CEP85: variants seen among roughly 807,000 people sequenced by gnomAD.
CEP85 encodes the protein centrosomal protein of 85 kDa.
CEP85 carries 58 observed loss-of-function variants against 93.7 expected under a neutral mutation model. The ratio of observed to expected loss-of-function variants is 0.62; its 90% CI spans 0.50 to 0.77. CEP85 has a LOEUF of 0.77. CEP85 is among the 30% of genes least tolerant of loss of function. The pLI is 0.00. For missense variants in CEP85, 868 were observed against 922.0 expected (o/e 0.94, Z 0.76); for synonymous variants, 314 against 338.6 (o/e 0.93, Z 0.80).
At chr1:26,243,446 A>G (rs1051343765) in intron 2 of CEP85, among the ~76,000 whole-genome samples, 4 of 152,184 alleles carry the variant, frequency 2.6e-5, no homozygotes, top group African/African-American at 9.6e-5. Context: ...ACTGTAAGAA[A>G]GAGGAAAGAA....
In CEP85 at chr1:26,274,829, C is replaced by G. The variant is rs2090029328; in HGVS notation, c.1795-135C>G. 4 of 660,562 alleles carry G rather than the reference C, an allele frequency of 6.1e-6. No individual in the cohort carries two copies. In the South Asian group the frequency reaches 7.5e-5, roughly 12 times the overall value. 40.9% of individuals were successfully genotyped at this position (660,562 alleles called of 1,614,324 possible). A position where few individuals can be genotyped will look rare whatever the true frequency, so the allele number is the denominator to read the frequency against. ...TTAAATGGGAGGTCACAAATCAGGA[C>G]TGTTCTAAAATGATTTCTTATGAGG... On this transcript the variant is annotated intron_variant, in intron 11 of 13. Transcript: ENST00000451429.
At position 26,269,194 on chromosome 1, in the gene CEP85, T is replaced by C. The variant is rs569169729; in HGVS notation, c.1495-266T>C. 1,362 of 442,768 alleles carry C rather than the reference T, an allele frequency of 3.1e-3. 43 individuals are homozygous for C. In the South Asian group the frequency reaches 0.034, roughly 11 times the overall value. The allele number at this position is 442,768 out of a possible 1,614,324, so 27.4% of individuals were successfully genotyped here. A position where few individuals can be genotyped will look rare whatever the true frequency, so the allele number is the denominator to read the frequency against. On this transcript the variant is annotated intron_variant, in intron 8 of 13. Transcript: ENST00000451429. ...CCAATCAGAATTAGCTTAGACTGTG[T>C]GGTTCAACCCTAGCCAATAGGGGAA...
At chr1:26,247,612 T>C (rs776392546) in intron 3 of CEP85, among the ~76,000 whole-genome samples, 2 of 152,122 alleles carry the variant, frequency 1.3e-5, no homozygotes, top group African/African-American at 4.8e-5. Flanking sequence ...TATTACTGGT[T>C]CCTAGACATC....
chr1:26,241,888 A>G (rs1022318267), intron 2 of CEP85, among the ~76,000 whole-genome samples: 1 of 151,944 alleles, frequency 6.6e-6, no homozygotes, highest in African/African-American at 2.4e-5. Context: ...CAGCCTCCCA[A>G]GTAGCTGGGA....
intron 7 of CEP85, among the ~76,000 whole-genome samples, chr1:26,267,901 A>G (rs2089915817): frequency 6.6e-6 from 1 of 152,126 alleles, no homozygotes; most frequent in East Asian, 1.9e-4. Flanking sequence ...GATCTGGCCC[A>G]CTCCTGTCCA....
chr1:26,255,281 A>G lies in CEP85; in HGVS notation c.319A>G (p.Asn107Asp), dbSNP rs1256553432. 5.0e-6 allele frequency: 8 copies of G among 1,614,114 alleles called. No homozygotes were observed. The highest frequency in any genetic ancestry group is 6.8e-6 in the Non-Finnish European group (8 of 1,180,022). Residue 107 changes from asparagine (N) to aspartate (D), a missense_variant, in exon 4 of 14, where the codon AAT becomes GAT. By Grantham distance (23) the Asn-to-Asp change is conservative (BLOSUM62 1). Coordinates refer to ENST00000451429, the MANE Select transcript of CEP85 (RefSeq NM_001319944.2). ...STLGTSPAKP[N>D]STPVGPSSSK... ...TTTAGGGACCTCTCCTGCCAAGCCA[A>G]ATTCTACACCTGTTGGACCCTCTTC...
Position 26,255,195 on chromosome 1 carries a change from C to G in CEP85, c.233C>G (p.Pro78Arg), listed in dbSNP as rs745521925. 1.9e-6 allele frequency: 3 copies of G among 1,613,828 alleles called. No homozygotes were observed. Among genetic ancestry groups the G allele is most frequent in the Non-Finnish European group, 1.7e-6 (2 of 1,179,752 alleles). The change falls in exon 4 of 14, where the codon CCT (proline) becomes CGT (arginine). Residue 78 changes from proline (P) to arginine (R), a missense_variant. Pro to Arg is a moderately radical substitution (Grantham distance 103). Transcript: ENST00000451429. Reference sequence around the variant, plus strand: ...GATTTTTGCAGCTCAAGTGGCAGTCCTCCTTTCCAGCCCATCAAAAGCCAC... The same window carrying G: ...GATTTTTGCAGCTCAAGTGGCAGTCGTCCTTTCCAGCCCATCAAAAGCCAC... ...AEDFCSSSGS[P>R]PFQPIKSHVT...
chr1:26,240,440 A>G (rs1309837161), intron 2 of CEP85, among the ~76,000 whole-genome samples: 1 of 152,172 alleles, frequency 6.6e-6, no homozygotes, highest in South Asian at 2.1e-4. Flanking sequence ...CCTAATGTTT[A>G]CCTTAAATCG....
chr1:26,241,809 T>C (rs1318388049), intron 2 of CEP85, among the ~76,000 whole-genome samples: 1 of 152,056 alleles, frequency 6.6e-6, no homozygotes, highest in African/African-American at 2.4e-5. Flanking sequence ...TGGCCCAGGC[T>C]GGAGTGCAGT....
intron 9 of CEP85, among the ~76,000 whole-genome samples, chr1:26,270,067 C>T (rs971551911): frequency 8.5e-5 from 13 of 152,082 alleles, no homozygotes; most frequent in Non-Finnish European, 1.6e-4. Context: ...TGAGCCACCG[C>T]GCCCGGCCAG....
chr1:26,252,172 G>A (rs564508612), intron 3 of CEP85, among the ~76,000 whole-genome samples: 21 of 151,964 alleles, frequency 1.4e-4, no homozygotes, highest in African/African-American at 2.2e-4. Flanking sequence ...CAGAGGTTGC[G>A]GTGAGCCAAG....
chr1:26,246,982 CAGG>C (rs2089519189), intron 3 of CEP85, among the ~76,000 whole-genome samples: 1 of 152,188 alleles, frequency 6.6e-6, no homozygotes, highest in Admixed American at 6.5e-5. Flanking sequence ...AACCACACAG[CAGG>C]AGGTGAGCAG....
chr1:26,277,466 G>T lies in CEP85; in HGVS notation c.*173G>T, dbSNP rs556787463. The T allele has an allele frequency of 5.1e-6, 3 of 587,442 alleles. No homozygotes were observed. The highest frequency in any genetic ancestry group is 4.4e-5 in the South Asian group (2 of 45,166). 36.4% of individuals were successfully genotyped at this position (587,442 alleles called of 1,614,324 possible). ...AGGGAACTGTGTCCTACCCACACTG[G>T]CATGTTGGATTACGTTTGTCCTGTT... is the stretch of plus-strand genomic sequence containing the variant. On this transcript the variant is annotated 3_prime_UTR_variant, in exon 14 of 14. Transcript: ENST00000451429.
chr1:26,276,443 T>C, intron 12 of CEP85, 92 bp from the exon 13 acceptor site: 1 of 982,872 alleles, frequency 1.0e-6, no homozygotes, highest in Non-Finnish European at 1.6e-6. Context: ...TGCCTATGAC[T>C]CACCCATCCC....
In CEP85 at chr1:26,277,506, G is replaced by A. The variant is rs888822954; in HGVS notation, c.*213G>A. ...TTTGTCCTGTTAATTCACTCTAGACGGTGAGTTACTAATTAACTTTTGGCA... is the reference window on the plus strand; with the variant it reads ...TTTGTCCTGTTAATTCACTCTAGACAGTGAGTTACTAATTAACTTTTGGCA... On this transcript the variant is annotated 3_prime_UTR_variant, in exon 14 of 14. Transcript: ENST00000451429. 12 of 478,344 alleles carry A rather than the reference G, an allele frequency of 2.5e-5. No homozygotes were observed. Among genetic ancestry groups the A allele is most frequent in the Middle Eastern group, 1.1e-3 (2 of 1,808 alleles). 29.6% of individuals were successfully genotyped at this position (478,344 alleles called of 1,614,324 possible). A position where few individuals can be genotyped will look rare whatever the true frequency, so the allele number is the denominator to read the frequency against.
At chr1:26,251,265 T>TG (rs1490542844) in intron 3 of CEP85, among the ~76,000 whole-genome samples, 2 of 147,694 alleles carry the variant, frequency 1.4e-5, no homozygotes. Flanking sequence ...TTTTTTTTTT[T>TG]TTTGAGGTGG....
intron 12 of CEP85, among the ~76,000 whole-genome samples, chr1:26,275,325 G>A (rs1232064963): frequency 6.6e-6 from 1 of 150,598 alleles, no homozygotes; most frequent in Non-Finnish European, 1.5e-5. Context: ...TCTGTCGCCA[G>A]GCTAGAGTGC....
At chr1:26,241,093 G>T (rs953922064) in intron 2 of CEP85, among the ~76,000 whole-genome samples, 11 of 152,066 alleles carry the variant, frequency 7.2e-5, no homozygotes, top group African/African-American at 1.7e-4. Context: ...TCAACTCAGG[G>T]TATGTTTTAT....
At chr1:26,244,092 A>AT in intron 2 of CEP85, 74 bp from the exon 3 acceptor site, 10 of 1,424,266 alleles carry the variant, frequency 7.0e-6, no homozygotes, top group Admixed American at 2.1e-5. Flanking sequence ...GGTTTATGTG[A>AT]TTTTTTAAAA....
Sources: gnomAD v4.1 joint callset for allele counts (sites outside exome capture counted in the v4.1 genomes callset) on GRCh38, gnomAD v4.1.1 for gene constraint, MANE v1.5 for transcripts, NCBI Gene and HGNC (gene_info 2026-07-23, HGNC 2026-07-21) for gene names.